The following ADA2 variants were observed in gnomAD, a reference collection of about 807,000 sequenced individuals.
ADA2 encodes adenosine deaminase CECR1.
Under a neutral mutation model 44.2 loss-of-function variants are expected in ADA2, and 29 were observed. The observed-to-expected ratio is 0.66, with a 90% CI of 0.49 to 0.89. The LOEUF (loss-of-function observed/expected upper bound fraction) is 0.89. Ranked by LOEUF, ADA2 falls within the 40% of genes least tolerant of loss-of-function variation. ADA2 has a pLI of 0.00. For missense variants in ADA2, 637 were observed against 644.8 expected, an observed-to-expected ratio of 0.99 and a Z score of 0.13; for synonymous variants, 215 against 234.9, an observed-to-expected ratio of 0.92 and a Z score of 0.77.
In ADA2 at chr22:17,179,725, C is replaced by T. The variant is rs75762931; in HGVS notation, c.*1758G>A. On this transcript the variant is annotated 3_prime_UTR_variant, in exon 10 of 10. Coordinates refer to ENST00000399837, the MANE Select transcript of ADA2 (RefSeq NM_001282225.2). ...CTGGGTGACTGGGAGAGGAAGGCGCCGGAATGGATCCAGATTAAATCGGAT... is the reference window on the plus strand; with the variant it reads ...CTGGGTGACTGGGAGAGGAAGGCGCTGGAATGGATCCAGATTAAATCGGAT... The T allele has an allele frequency of 0.018, 2,749 of 152,498 alleles. 32 individuals carry two copies. Among genetic ancestry groups the T allele is most frequent in the South Asian group, 0.03 (146 of 4,824 alleles). The allele number at this position is 152,498 out of a possible 1,614,324, so 9.4% of individuals were successfully genotyped here.
Position 17,188,332 on chromosome 22 carries a change from G to A in ADA2, c.1081+7C>T, listed in dbSNP as rs769409589. ...CCGCTGCCTCTGCTCGCATCCCGCA[G>A]GCTCACCTGTTTCTCCGGCGTGGAA... On this transcript the variant is annotated splice_region_variant and intron_variant, in intron 7 of 9. Coordinates refer to ENST00000399837, the MANE Select transcript of ADA2 (RefSeq NM_001282225.2). The A allele has an allele frequency of 3.1e-6, 5 of 1,607,690 alleles. No homozygotes were observed. The East Asian group carries it at 8.9e-5, about 29-fold the overall frequency.
chr22:17,221,699 A>G (rs147189034), upstream of ADA2: 245 of 152,354 alleles, frequency 1.6e-3, 2 homozygotes, highest in Middle Eastern at 0.017. Flanking sequence ...TTGAGGTGGA[A>G]GCAGAGACAA....
intron 1 of ADA2, among the ~76,000 whole-genome samples, chr22:17,215,612 A>G (rs1477291273): frequency 1.3e-5 from 2 of 152,090 alleles, no homozygotes; most frequent in South Asian, 4.1e-4. Context: ...TCTCAAAAAA[A>G]AAAAAAGAAA....
intron 4 of ADA2, chr22:17,193,091 CA>C (rs112735385): frequency 2.8e-4 from 291 of 1,046,620 alleles, no homozygotes; most frequent in Admixed American, 4.0e-4. Flanking sequence ...ATGGGAGCAA[CA>C]AAAAAAAACA....
intron 1 of ADA2, among the ~76,000 whole-genome samples, chr22:17,215,059 C>A (rs1311035472): frequency 6.6e-6 from 1 of 152,152 alleles, no homozygotes; most frequent in South Asian, 2.1e-4. Context: ...GCCCAGGCAT[C>A]CGTCTTGGAG....
chr22:17,213,468 G>A lies in ADA2; in HGVS notation c.-46-3745C>T, dbSNP rs148689377. ...GTCCACCAACAGATCAACGGATAAAGAAAACGTGGCAAGTCCATCTACCGA... is the reference window on the plus strand; with the variant it reads ...GTCCACCAACAGATCAACGGATAAAAAAAACGTGGCAAGTCCATCTACCGA... On this transcript the variant is annotated intron_variant, in intron 1 of 9. Coordinates refer to ENST00000399837, the MANE Select transcript of ADA2 (RefSeq NM_001282225.2). 1,083 of 219,118 alleles carry A rather than the reference G, an allele frequency of 4.9e-3. 10 individuals are homozygous for A. The highest frequency in any genetic ancestry group is 0.022 in the African/African-American group (923 of 42,362). 13.6% of individuals were successfully genotyped at this position (219,118 alleles called of 1,614,324 possible).
chr22:17,200,869 C>T (rs561508821), intron 4 of ADA2, among the ~76,000 whole-genome samples: 40 of 141,174 alleles, frequency 2.8e-4, no homozygotes, highest in African/African-American at 9.8e-4. Context: ...GCAACAAGAG[C>T]GAAACTCTGC....
In ADA2 at chr22:17,180,515, AG is replaced by A. The variant is rs2123594904; in HGVS notation, c.*967del. On this transcript the variant is annotated 3_prime_UTR_variant, in exon 10 of 10. Transcript: ENST00000399837. Reference sequence around the variant, plus strand: ...TGGGAAAGGCCAGGGAAAGGTTTAAAGGGCTGAGTGTGGTGGCTCATGTCAG... The same window carrying A: ...TGGGAAAGGCCAGGGAAAGGTTTAAAGGCTGAGTGTGGTGGCTCATGTCAG... The A allele has an allele frequency of 6.6e-6, 1 of 152,390 alleles. No homozygotes were observed. Among genetic ancestry groups the A allele is most frequent in the African/African-American group, 2.4e-5 (1 of 41,572 alleles). The allele number at this position is 152,390 out of a possible 1,614,324, so 9.4% of individuals were successfully genotyped here. A position where few individuals can be genotyped will look rare whatever the true frequency, so the allele number is the denominator to read the frequency against.
At chr22:17,214,337 T>C (rs1417345370) in intron 1 of ADA2, among the ~76,000 whole-genome samples, 1 of 152,230 alleles carries the variant, frequency 6.6e-6, no homozygotes, top group East Asian at 1.9e-4. Flanking sequence ...AGTAAAATTG[T>C]CCTTGTACTC....
At chr22:17,184,194 G>A (rs1187626648) in intron 7 of ADA2, among the ~76,000 whole-genome samples, 1 of 151,062 alleles carries the variant, frequency 6.6e-6, no homozygotes, top group Non-Finnish European at 1.5e-5. Flanking sequence ...TCGATCACCT[G>A]ACCTTGTGAT....
intron 7 of ADA2, among the ~76,000 whole-genome samples, chr22:17,183,465 T>C (rs1237011169): frequency 6.9e-6 from 1 of 145,372 alleles, no homozygotes; most frequent in Non-Finnish European, 1.5e-5. Context: ...TCTTTTTTTT[T>C]TTTTTTTTTT....
rs758917649 is a variant in ADA2, at chr22:17,209,434, G to A, written c.244C>T (p.Pro82Ser). 4.3e-6 allele frequency: 7 copies of A among 1,613,986 alleles called. No individual in the cohort carries two copies. Among genetic ancestry groups the A allele is most frequent in the Non-Finnish European group, 5.9e-6 (7 of 1,180,028 alleles). The stretch of plus-strand genomic sequence containing the variant: ...TTGGCCTGGAAAAAGTGCATGCTGG[G>A]TGGGAATATCAGGGTCCTCATGGCC... ...KEAMRTLIFP[P>S]SMHFFQAKHL... is the part of the protein sequence containing the mutation. Residue 82 changes from proline (P) to serine (S), a missense_variant, in exon 2 of 10, where the codon CCC (proline) becomes TCC (serine). Transcript: ENST00000399837.
At chr22:17,189,669 G>T (rs1014015776) in intron 6 of ADA2, 5 of 400,468 alleles carry the variant, frequency 1.2e-5, no homozygotes, top group Non-Finnish European at 2.3e-5. Flanking sequence ...CTCCCTGAAT[G>T]CCATCCTTAT....
rs193057232 is a variant in ADA2, at chr22:17,190,163, C to T, written c.882-131G>A. ...TCCCGTTTCCCAAACCTGAGGCACC[C>T]CTGCCCTCCTGACCCCACCCTGACC... On this transcript the variant is annotated intron_variant, in intron 5 of 9. Transcript: ENST00000399837. 5 of 670,318 alleles carry T rather than the reference C, an allele frequency of 7.5e-6. No homozygotes were observed. In the African/African-American group the frequency reaches 8.9e-5, roughly 12 times the overall value. The allele number at this position is 670,318 out of a possible 1,614,324, so 41.5% of individuals were successfully genotyped here. A position where few individuals can be genotyped will look rare whatever the true frequency, so the allele number is the denominator to read the frequency against.
chr22:17,214,833 C>G (rs1256394789), intron 1 of ADA2, among the ~76,000 whole-genome samples: 1 of 152,244 alleles, frequency 6.6e-6, no homozygotes, highest in Non-Finnish European at 1.5e-5. Context: ...CCATGGCAGA[C>G]ATTGCTAATG....
intron 1 of ADA2, among the ~76,000 whole-genome samples, chr22:17,218,995 A>G (rs1294218984): frequency 2.6e-5 from 4 of 152,144 alleles, no homozygotes; most frequent in African/African-American, 9.6e-5. Context: ...CGTCTCTACT[A>G]AAAATACAAA....
intron 4 of ADA2, among the ~76,000 whole-genome samples, chr22:17,200,661 C>A (rs1420683649): frequency 6.6e-6 from 1 of 151,972 alleles, no homozygotes; most frequent in Non-Finnish European, 1.5e-5. Flanking sequence ...GTGGGTGGAT[C>A]ACCTGAGGTC....
intron 4 of ADA2, among the ~76,000 whole-genome samples, chr22:17,201,446 G>A (rs1173455954): frequency 6.6e-6 from 1 of 152,106 alleles, no homozygotes; most frequent in African/African-American, 2.4e-5. Flanking sequence ...GCCACCATGT[G>A]GGCCTTTCCA....
intron 1 of ADA2, among the ~76,000 whole-genome samples, chr22:17,216,797 T>TTG (rs1555888354): frequency 4.8e-5 from 7 of 147,170 alleles, no homozygotes; most frequent in Admixed American, 4.7e-4. Context: ...CACATATATA[T>TTG]AGAGAGAGAG....
Sources: allele counts gnomAD v4.1 joint callset (sites outside exome capture counted in the v4.1 genomes callset), GRCh38; gene constraint gnomAD v4.1.1; transcripts MANE v1.5; gene names NCBI Gene and HGNC (gene_info 2026-07-23, HGNC 2026-07-21).